The following GRM1 variants were observed in gnomAD, a reference collection of about 807,000 sequenced individuals.
GRM1 encodes the protein glutamate metabotropic receptor 1.
A neutral mutation model predicts 90.9 loss-of-function variants in GRM1; 33 were observed. The observed-to-expected ratio is 0.36, with a 90% confidence interval of 0.28 to 0.49. GRM1 has a LOEUF of 0.49. Among genes scored for constraint, GRM1 ranks in the 20% least tolerant of loss-of-function variants. The pLI is 0.99. For synonymous variants in GRM1, 700 were observed against 613.2 expected, an observed-to-expected ratio of 1.14 and a Z score of -2.09; for missense variants, 1,190 against 1,534.3, an observed-to-expected ratio of 0.78 and a Z score of 3.75.
chr6:146,175,172 C>T (rs2114523750), intron 2 of GRM1, among the ~76,000 whole-genome samples: 1 of 152,312 alleles, frequency 6.6e-6, no homozygotes, highest in Admixed American at 6.5e-5. Flanking sequence ...ATCTTAGAGG[C>T]TGCCTATTAT....
At chr6:146,333,618 C>A (rs1784661602) in intron 3 of GRM1, among the ~76,000 whole-genome samples, 1 of 152,024 alleles carries the variant, frequency 6.6e-6, no homozygotes, top group African/African-American at 2.4e-5. Flanking sequence ...TGGTGAAAAC[C>A]AGGGGCCAGA....
intron 1 of GRM1, among the ~76,000 whole-genome samples, chr6:146,074,045 G>C (rs1198584293): frequency 6.6e-6 from 1 of 152,120 alleles, no homozygotes; most frequent in Non-Finnish European, 1.5e-5. Context: ...TGTTTTATCA[G>C]TACAGGAGTA....
At chr6:146,110,208 A>G (rs1161508951) in intron 1 of GRM1, among the ~76,000 whole-genome samples, 1 of 152,016 alleles carries the variant, frequency 6.6e-6, no homozygotes, top group Non-Finnish European at 1.5e-5. Flanking sequence ...CTCCACCCAA[A>G]TCTCATCTTG....
At chr6:146,280,940 T>C (rs2114853713) in intron 2 of GRM1, among the ~76,000 whole-genome samples, 1 of 152,240 alleles carries the variant, frequency 6.6e-6, no homozygotes, top group South Asian at 2.1e-4. Context: ...GCATTTTTTA[T>C]GTCTTCATTT....
At chr6:146,080,767 C>G (rs974869228) in intron 1 of GRM1, among the ~76,000 whole-genome samples, 1 of 152,110 alleles carries the variant, frequency 6.6e-6, no homozygotes, top group Non-Finnish European at 1.5e-5. Flanking sequence ...AACTGTGGGT[C>G]GGAAGCAATA....
chr6:146,246,512 G>T (rs926938541), intron 2 of GRM1, among the ~76,000 whole-genome samples: 4 of 152,170 alleles, frequency 2.6e-5, no homozygotes, highest in Non-Finnish European at 5.9e-5. Context: ...TATGCTGAGA[G>T]CCAAGGGTTA....
intron 1 of GRM1, among the ~76,000 whole-genome samples, chr6:146,073,100 A>G (rs1352910297): frequency 1.3e-5 from 2 of 152,096 alleles, no homozygotes; most frequent in African/African-American, 4.8e-5. Context: ...AATTATCTAT[A>G]AAGGAAATTG....
At chr6:146,272,090 A>G (rs1029518647) in intron 2 of GRM1, among the ~76,000 whole-genome samples, 4 of 152,186 alleles carry the variant, frequency 2.6e-5, no homozygotes, top group Non-Finnish European at 5.9e-5. Flanking sequence ...GCCTTCCCTT[A>G]TGGATACACA....
At chr6:146,089,174 T>C (rs984874018) in intron 1 of GRM1, among the ~76,000 whole-genome samples, 2 of 152,134 alleles carry the variant, frequency 1.3e-5, no homozygotes, top group African/African-American at 4.8e-5. Flanking sequence ...AGTGGCCACA[T>C]TGATGAAGCC....
At chr6:146,407,086 C>G (rs1777375722) in intron 7 of GRM1, among the ~76,000 whole-genome samples, 1 of 152,206 alleles carries the variant, frequency 6.6e-6, no homozygotes, top group Non-Finnish European at 1.5e-5. Flanking sequence ...AATGTTCTCA[C>G]TTCCTGAAAG....
chr6:146,267,447 T>G (rs1781932971), intron 2 of GRM1, among the ~76,000 whole-genome samples: 1 of 152,040 alleles, frequency 6.6e-6, no homozygotes. Flanking sequence ...ACCAATAGAA[T>G]ATATATAGGG....
At chr6:146,360,072 A>T (rs1275785983) in intron 5 of GRM1, among the ~76,000 whole-genome samples, 1 of 152,198 alleles carries the variant, frequency 6.6e-6, no homozygotes, top group Non-Finnish European at 1.5e-5. Context: ...GGATGCATAC[A>T]GCCAGATCAG....
chr6:146,313,879 G>A (rs1783861703), intron 3 of GRM1, among the ~76,000 whole-genome samples: 1 of 151,532 alleles, frequency 6.6e-6, no homozygotes, highest in Non-Finnish European at 1.5e-5. Flanking sequence ...CCATCCCCAG[G>A]CAGTCACTTA....
intron 1 of GRM1, among the ~76,000 whole-genome samples, chr6:146,098,598 A>G (rs1216612447): frequency 4.6e-5 from 7 of 152,014 alleles, no homozygotes; most frequent in African/African-American, 7.3e-5. Flanking sequence ...TTTTCCTACT[A>G]TTACCTAAAG....
chr6:146,121,121 T>C (rs1775972498), intron 1 of GRM1, among the ~76,000 whole-genome samples: 1 of 152,194 alleles, frequency 6.6e-6, no homozygotes, highest in Non-Finnish European at 1.5e-5. Context: ...CAGAGCCTCT[T>C]ATTGGTCTAT....
chr6:146,055,791 A>C (rs1775463577), intron 1 of GRM1, among the ~76,000 whole-genome samples: 1 of 152,192 alleles, frequency 6.6e-6, no homozygotes, highest in Non-Finnish European at 1.5e-5. Flanking sequence ...AACTGTAATG[A>C]AATAACTTGA....
Position 146,062,466 on chromosome 6 carries a change from CAT to C in GRM1, c.700+32250_700+32251del, listed in dbSNP as rs370875304. Among the ~76,000 whole-genome samples the C allele has an allele frequency of 2.8e-3, 400 of 143,170 alleles. 3 individuals are homozygous for C. The highest frequency in any genetic ancestry group is 5.7e-3 in the Admixed American group (83 of 14,496). The allele number at this position is 143,170 out of a possible 152,430, so 93.9% of individuals were successfully genotyped here. A position where few individuals can be genotyped will look rare whatever the true frequency, so the allele number is the denominator to read the frequency against. On this transcript the variant is annotated intron_variant, in intron 1 of 7. Coordinates refer to ENST00000282753, the MANE Select transcript of GRM1 (RefSeq NM_001278064.2). ...ATGTAACAAACCTGCACAATCTGCA[CAT>C]GTGTCTCAGAACTTAAAGTATAACA...
intron 7 of GRM1, among the ~76,000 whole-genome samples, chr6:146,423,051 A>T (rs1243941646): frequency 6.6e-6 from 1 of 152,124 alleles, no homozygotes; most frequent in Non-Finnish European, 1.5e-5. Context: ...AGACCTTTGC[A>T]CTTTAAGAAG....
intron 2 of GRM1, among the ~76,000 whole-genome samples, chr6:146,265,921 T>C (rs1274026932): frequency 1.3e-5 from 2 of 152,218 alleles, no homozygotes; most frequent in African/African-American, 4.8e-5. Context: ...CTGGGAGTGG[T>C]GGCTCACGCC....
Sources: allele counts gnomAD v4.1 joint callset (sites outside exome capture counted in the v4.1 genomes callset), GRCh38; gene constraint gnomAD v4.1.1; transcripts MANE v1.5; gene names NCBI Gene and HGNC (gene_info 2026-07-23, HGNC 2026-07-21).